LYPD6B: variants seen among roughly 807,000 people sequenced by gnomAD.
The protein encoded by LYPD6B is ly6/PLAUR domain-containing protein 6B.
LYPD6B carries 17 observed loss-of-function variants against 22.8 expected under a neutral mutation model. The observed-to-expected ratio is 0.75, with a 90% confidence interval of 0.51 to 1.12. The LOEUF (loss-of-function observed/expected upper bound fraction) is 1.12. LYPD6B is among the 50% of genes most tolerant of loss of function. The pLI, the probability that LYPD6B is intolerant of heterozygous loss-of-function variation, is 0.00. For synonymous variants in LYPD6B, 106 were observed against 91.6 expected, an observed-to-expected ratio of 1.16 and a Z score of -0.90; for missense variants, 221 against 258.3, an observed-to-expected ratio of 0.86 and a Z score of 0.99.
chr2:149,176,781 C>G (rs928481073), intron 3 of LYPD6B, among the ~76,000 whole-genome samples: 12 of 152,152 alleles, frequency 7.9e-5, no homozygotes, highest in African/African-American at 2.9e-4. Flanking sequence ...GGTAGCCACC[C>G]CAAAGACTAC....
At chr2:149,213,840 A>G (rs956352483) in intron 6 of LYPD6B, among the ~76,000 whole-genome samples, 2 of 152,138 alleles carry the variant, frequency 1.3e-5, no homozygotes, top group South Asian at 4.2e-4. Flanking sequence ...GGATCTTTTT[A>G]AAAAGTTCCC....
At chr2:149,172,218 GA>G (rs1690885689) in intron 3 of LYPD6B, among the ~76,000 whole-genome samples, 1 of 152,204 alleles carries the variant, frequency 6.6e-6, no homozygotes, top group Non-Finnish European at 1.5e-5. Flanking sequence ...GACCGTATGA[GA>G]ATTCACTCAC....
intron 2 of LYPD6B, among the ~76,000 whole-genome samples, chr2:149,143,526 A>G (rs1359816866): frequency 6.6e-6 from 1 of 151,956 alleles, no homozygotes; most frequent in South Asian, 2.1e-4. Context: ...AAAAAAAAAA[A>G]AAAAAAATCA....
intron 2 of LYPD6B, among the ~76,000 whole-genome samples, chr2:149,148,902 A>G (rs997097060): frequency 6.6e-6 from 1 of 152,186 alleles, no homozygotes; most frequent in African/African-American, 2.4e-5. Flanking sequence ...AGTCTTATTG[A>G]GCAAACAGTA....
intron 3 of LYPD6B, among the ~76,000 whole-genome samples, chr2:149,167,383 C>A (rs1575101746): frequency 6.6e-6 from 1 of 152,176 alleles, no homozygotes; most frequent in South Asian, 2.1e-4. Flanking sequence ...TTTGCTGCCT[C>A]CTGCTTGGTC....
chr2:149,126,650 C>T (rs1490102813), intron 1 of LYPD6B, among the ~76,000 whole-genome samples: 1 of 152,154 alleles, frequency 6.6e-6, no homozygotes, highest in East Asian at 1.9e-4. Flanking sequence ...ATAAGTGTAT[C>T]CACACAGTTC....
intron 1 of LYPD6B, among the ~76,000 whole-genome samples, chr2:149,080,577 C>G (rs546513231): frequency 1.2e-4 from 18 of 152,198 alleles, no homozygotes; most frequent in African/African-American, 3.6e-4. Flanking sequence ...GGTGGTGGCT[C>G]ACGCCTGTAA....
intron 1 of LYPD6B, among the ~76,000 whole-genome samples, chr2:149,059,810 C>G (rs570156300): frequency 6.6e-6 from 1 of 152,186 alleles, no homozygotes; most frequent in African/African-American, 2.4e-5. Context: ...TTTCTGGAGC[C>G]TGGGAGAACA....
intron 2 of LYPD6B, among the ~76,000 whole-genome samples, chr2:149,153,279 C>T (rs1221994347): frequency 6.6e-6 from 1 of 152,034 alleles, no homozygotes. Flanking sequence ...AGGGCTTGGA[C>T]CAAATGGAGG....
intron 1 of LYPD6B, among the ~76,000 whole-genome samples, chr2:149,048,817 G>A (rs145970618): frequency 4.6e-5 from 7 of 152,118 alleles, no homozygotes; most frequent in Non-Finnish European, 8.8e-5. Flanking sequence ...TAAAATACTG[G>A]TGTCGTTTCC....
chr2:149,191,602 A>G (rs1486443888), intron 3 of LYPD6B, among the ~76,000 whole-genome samples: 1 of 152,226 alleles, frequency 6.6e-6, no homozygotes, highest in South Asian at 2.1e-4. Context: ...GAGTTTCACT[A>G]TTAGGACTAG....
At chr2:149,163,698 A>G (rs142458229) in intron 3 of LYPD6B, among the ~76,000 whole-genome samples, 10 of 152,120 alleles carry the variant, frequency 6.6e-5, no homozygotes, top group East Asian at 5.8e-4. Context: ...GGAACTTGCT[A>G]TTTTTTCCCC....
chr2:149,119,622 A>G (rs994541662), intron 1 of LYPD6B, among the ~76,000 whole-genome samples: 2 of 152,226 alleles, frequency 1.3e-5, no homozygotes, highest in Non-Finnish European at 2.9e-5. Context: ...CACCAGCAGC[A>G]AGAGCTTTGA....
chr2:149,058,807 A>G (rs759634401), intron 1 of LYPD6B, among the ~76,000 whole-genome samples: 1 of 152,136 alleles, frequency 6.6e-6, no homozygotes, highest in Non-Finnish European at 1.5e-5. Flanking sequence ...TTTAGTAGAC[A>G]TGGGGTTTCA....
chr2:149,072,487 A>T (rs564555201), intron 1 of LYPD6B, among the ~76,000 whole-genome samples: 104 of 100,860 alleles, frequency 1.0e-3, no homozygotes, highest in Middle Eastern at 5.0e-3. Flanking sequence ...GGTTATTTTT[A>T]TTTTATTTTA....
At chr2:149,039,181 G>C (rs911663007) in intron 1 of LYPD6B, among the ~76,000 whole-genome samples, 23 of 152,222 alleles carry the variant, frequency 1.5e-4, no homozygotes, top group African/African-American at 5.5e-4. Context: ...CGCGGAGCTG[G>C]GGCTGGGGTT....
chr2:149,109,540 A>G (rs1686655796), intron 1 of LYPD6B, among the ~76,000 whole-genome samples: 1 of 152,002 alleles, frequency 6.6e-6, no homozygotes, highest in Admixed American at 6.6e-5. Flanking sequence ...ACTGTCTCAA[A>G]TCTGTAAGTT....
Position 149,207,880 on chromosome 2 carries a change from A to T in LYPD6B, c.230-434A>T, listed in dbSNP as rs6758712. On this transcript the variant is annotated intron_variant, in intron 4 of 6. Transcript: ENST00000409642. The stretch of plus-strand genomic sequence containing the variant: ...TAATATAAATATTATTATATCTTAG[A>T]ATTTTAAAAAATCACACAACTAATC... Among the ~76,000 whole-genome samples the T allele has an allele frequency of 4.0e-3, 603 of 152,224 alleles. 3 individuals carry two copies. Among genetic ancestry groups the T allele is most frequent in the African/African-American group, 0.012 (502 of 41,556 alleles).
At chr2:149,189,238 AT>A (rs1289954675) in intron 3 of LYPD6B, among the ~76,000 whole-genome samples, 2 of 151,422 alleles carry the variant, frequency 1.3e-5, no homozygotes, top group Non-Finnish European at 2.9e-5. Context: ...ATATGGAGCT[AT>A]TTTTAATATT....
Sources: gnomAD v4.1 joint callset for allele counts (sites outside exome capture counted in the v4.1 genomes callset) on GRCh38, gnomAD v4.1.1 for gene constraint, MANE v1.5 for transcripts, NCBI Gene and HGNC (gene_info 2026-07-23, HGNC 2026-07-21) for gene names.